The following RAPGEF6 variants were observed in gnomAD, a reference collection of about 807,000 sequenced individuals.
The protein encoded by RAPGEF6 is PDZ domain containing guanine nucleotide exchange factor (GEF) 2.
In RAPGEF6, 56 loss-of-function variants were observed where a neutral mutation model predicts 171.4. The observed-to-expected ratio is 0.33, with a 90% CI of 0.26 to 0.41. The LOEUF (loss-of-function observed/expected upper bound fraction) is 0.41, where lower values mean the gene tolerates loss of function less well. Ranked by LOEUF, RAPGEF6 falls within the 10% of genes least tolerant of loss-of-function variation. The probability of loss-of-function intolerance (pLI) is 1.00; values close to 1 mark genes in which losing one functional copy is unlikely to be tolerated. For missense variants in RAPGEF6, 1,674 were observed against 1,921.4 expected (o/e 0.87, Z 2.41); for synonymous variants, 692 against 650.1 (o/e 1.06, Z -0.98).
At chr5:131,539,221 TATTC>T (rs1023471492) in intron 6 of RAPGEF6, among the ~76,000 whole-genome samples, 3 of 152,340 alleles carry the variant, frequency 2.0e-5, no homozygotes, top group East Asian at 1.9e-4. Context: ...AAAGTCTGTT[TATTC>T]ATTCATTATT....
intron 4 of RAPGEF6, among the ~76,000 whole-genome samples, chr5:131,590,562 C>T (rs1019400659): frequency 2.0e-5 from 3 of 152,082 alleles, no homozygotes; most frequent in Non-Finnish European, 4.4e-5. Context: ...TAAAAATGAA[C>T]CTACAATAGC....
At chr5:131,494,073 T>C (rs146860787) in intron 13 of RAPGEF6, among the ~76,000 whole-genome samples, 164 of 152,380 alleles carry the variant, frequency 1.1e-3, no homozygotes, top group Admixed American at 3.1e-3. Flanking sequence ...GCATTTGCTA[T>C]GTCACAGGTT....
intron 16 of RAPGEF6, among the ~76,000 whole-genome samples, chr5:131,476,544 C>T (rs954007734): frequency 6.6e-6 from 1 of 152,148 alleles, no homozygotes; most frequent in Admixed American, 6.5e-5. Context: ...GCCACAACCT[C>T]CATCTCCCTG....
At chr5:131,465,158 T>A (rs1429421176) in intron 17 of RAPGEF6, among the ~76,000 whole-genome samples, 1 of 152,152 alleles carries the variant, frequency 6.6e-6, no homozygotes, top group Non-Finnish European at 1.5e-5. Flanking sequence ...AATGTTAGTT[T>A]CCATATTTTA....
chr5:131,517,623 T>C (rs926723340), intron 7 of RAPGEF6, among the ~76,000 whole-genome samples: 5 of 112,064 alleles, frequency 4.5e-5, no homozygotes, highest in African/African-American at 1.4e-4. Flanking sequence ...GATACATACA[T>C]TGGCAATGTA....
intron 16 of RAPGEF6, among the ~76,000 whole-genome samples, chr5:131,476,703 T>C (rs1474459473): frequency 6.6e-6 from 1 of 152,178 alleles, no homozygotes; most frequent in Non-Finnish European, 1.5e-5. Context: ...AGCTAGTTTT[T>C]TTATTTTTGG....
intron 11 of RAPGEF6, among the ~76,000 whole-genome samples, chr5:131,500,352 G>A (rs1222455059): frequency 1.3e-5 from 2 of 152,034 alleles, no homozygotes; most frequent in Non-Finnish European, 2.9e-5. Flanking sequence ...TTATTACTCA[G>A]GCCAATCCTG....
intron 16 of RAPGEF6, among the ~76,000 whole-genome samples, chr5:131,477,051 A>T (rs1228613138): frequency 6.6e-6 from 1 of 151,978 alleles, no homozygotes; most frequent in Non-Finnish European, 1.5e-5. Context: ...TTTTCCATTG[A>T]AGTTTTAGTG....
chr5:131,553,944 G>A (rs1340108131), intron 5 of RAPGEF6, among the ~76,000 whole-genome samples: 6 of 151,148 alleles, frequency 4.0e-5, no homozygotes, highest in Non-Finnish European at 8.8e-5. Flanking sequence ...GAAGATGATA[G>A]AACAAGACAA....
At chr5:131,486,055 G>GT (rs1234438663) in intron 15 of RAPGEF6, among the ~76,000 whole-genome samples, 4 of 152,218 alleles carry the variant, frequency 2.6e-5, no homozygotes, top group Non-Finnish European at 5.9e-5. Flanking sequence ...GGCCAAAACT[G>GT]TAAGTTTTTC....
In RAPGEF6 at chr5:131,472,640, C is replaced by T; in HGVS notation, c.2186G>A (p.Ser729Asn). 1 of 1,614,056 alleles carries T rather than the reference C, an allele frequency of 6.2e-7. No individual in the cohort carries two copies. The highest frequency in any genetic ancestry group is 8.5e-7 in the Non-Finnish European group (1 of 1,179,924). ...GGTGGTAGGCTGCAGGAGATCAGGG[C>T]TGCTGGATGAGAGTGTTCCAGGGAT... ...MPIPGTLSSS[S>N]PDLLQPTTSM... Residue 729 changes from serine to asparagine, a missense_variant, in exon 17 of 28, where the codon AGC becomes AAC. Transcript: ENST00000509018.
At chr5:131,444,792 G>C (rs1752584517) in intron 22 of RAPGEF6, among the ~76,000 whole-genome samples, 1 of 152,138 alleles carries the variant, frequency 6.6e-6, no homozygotes, top group Non-Finnish European at 1.5e-5. Context: ...AGATGATTAA[G>C]TCTACATCAA....
At chr5:131,480,754 C>T (rs1015159922) in intron 15 of RAPGEF6, among the ~76,000 whole-genome samples, 2 of 152,092 alleles carry the variant, frequency 1.3e-5, no homozygotes, top group Admixed American at 6.5e-5. Flanking sequence ...GCTGGGATTA[C>T]AGGCATGAGC....
intron 7 of RAPGEF6, among the ~76,000 whole-genome samples, chr5:131,511,000 T>G (rs1220168056): frequency 1.3e-5 from 2 of 152,156 alleles, no homozygotes; most frequent in Non-Finnish European, 2.9e-5. Flanking sequence ...AGTACTAAAA[T>G]GCACTAAAAT....
Position 131,431,177 on chromosome 5 carries a change from T to C in RAPGEF6, c.4147A>G (p.Lys1383Glu). The C allele has an allele frequency of 6.2e-7, 1 of 1,614,156 alleles. No individual in the cohort carries two copies. Among genetic ancestry groups the C allele is most frequent in the Non-Finnish European group, 8.5e-7 (1 of 1,180,020 alleles). The change falls in exon 26 of 28, where the codon AAA becomes GAA. Residue 1383 changes from lysine to glutamate, a missense_variant. Physicochemically the swap from Lys to Glu is moderately conservative, Grantham distance 56 (BLOSUM62 1). Coordinates refer to ENST00000509018, the MANE Select transcript of RAPGEF6 (RefSeq NM_016340.6). ...TAAGAGTTCAAAAAATCCCAGCTTT[T>C]TGGGTTTGGAAGGCTTTGGAAGTTG... ...HDNFQSLPNP[K>E]SWDFLNSYRH...
chr5:131,610,557 G>A (rs1764876488), intron 1 of RAPGEF6, among the ~76,000 whole-genome samples: 1 of 152,164 alleles, frequency 6.6e-6, no homozygotes, highest in Non-Finnish European at 1.5e-5. Context: ...ATTAGCCTGA[G>A]AAGAATGATT....
intron 5 of RAPGEF6, among the ~76,000 whole-genome samples, chr5:131,552,277 G>A (rs1760969593): frequency 6.6e-6 from 1 of 151,756 alleles, no homozygotes; most frequent in Non-Finnish European, 1.5e-5. Flanking sequence ...GGGATAAGAG[G>A]AGGGGGAGCA....
intron 6 of RAPGEF6, among the ~76,000 whole-genome samples, chr5:131,527,864 A>G (rs2149918451): frequency 6.6e-6 from 1 of 150,976 alleles, no homozygotes; most frequent in South Asian, 2.1e-4. Context: ...AAATACAAAA[A>G]ATTAGCCGGG....
chr5:131,575,619 T>C (rs1464598155), intron 4 of RAPGEF6, among the ~76,000 whole-genome samples: 1 of 152,150 alleles, frequency 6.6e-6, no homozygotes, highest in East Asian at 1.9e-4. Context: ...ACTAAACCAC[T>C]ATATAAACTC....
Sources: gnomAD v4.1 joint callset for allele counts (sites outside exome capture counted in the v4.1 genomes callset) on GRCh38, gnomAD v4.1.1 for gene constraint, MANE v1.5 for transcripts, NCBI Gene and HGNC (gene_info 2026-07-23, HGNC 2026-07-21) for gene names.